The following FARSB variants were observed in gnomAD, a reference collection of about 807,000 sequenced individuals.
FARSB encodes the protein phenylalanine--tRNA ligase beta subunit.
Under a neutral mutation model 69.6 loss-of-function variants are expected in FARSB, and 40 were observed. The observed-to-expected ratio is 0.57, with a 90% confidence interval of 0.45 to 0.75. The LOEUF (loss-of-function observed/expected upper bound fraction) is 0.75, where lower values mean the gene tolerates loss of function less well. Among genes scored for constraint, FARSB ranks in the 30% least tolerant of loss-of-function variants. FARSB has a pLI of 0.00. For synonymous variants in FARSB, 235 were observed against 247.2 expected, an observed-to-expected ratio of 0.95 and a Z score of 0.46; for missense variants, 632 against 722.9, an observed-to-expected ratio of 0.87 and a Z score of 1.44.
chr2:222,637,290 A>G (rs1481712924), intron 5 of FARSB, among the ~76,000 whole-genome samples: 1 of 152,210 alleles, frequency 6.6e-6, no homozygotes, highest in Non-Finnish European at 1.5e-5. Context: ...AGGGCAGGAA[A>G]GCAGGCCCAG....
rs1255084894 is a variant in FARSB at position 222,567,482 on chromosome 2, C to A, written c.*4389G>T. ...GCACAAATAGATTAAGATTGAGAAG[C>A]AAGATTGTGAGTAATGTTCTCTCTT... On this transcript the variant is annotated 3_prime_UTR_variant, in exon 17 of 17. Coordinates refer to ENST00000281828, the MANE Select transcript of FARSB (RefSeq NM_005687.5). 6.6e-6 allele frequency: 1 copy of A among 152,158 alleles called. No individual in the cohort carries two copies. Among genetic ancestry groups the A allele is most frequent in the East Asian group, 1.9e-4 (1 of 5,194 alleles). The allele number at this position is 152,158 out of a possible 1,614,324, so 9.4% of individuals were successfully genotyped here.
At chr2:222,586,784 A>G (rs1003363583) in intron 16 of FARSB, among the ~76,000 whole-genome samples, 7 of 152,334 alleles carry the variant, frequency 4.6e-5, no homozygotes, top group Middle Eastern at 3.4e-3. Context: ...TGGTAAAGGG[A>G]TCAATTCAAC....
intron 2 of FARSB, among the ~76,000 whole-genome samples, chr2:222,645,691 T>A (rs1217491975): frequency 6.6e-6 from 1 of 152,038 alleles, no homozygotes; most frequent in Non-Finnish European, 1.5e-5. Context: ...CATAATACGT[T>A]CCTTCAGTAA....
rs753848953 is a variant in FARSB, at chr2:222,567,865, CAA to C, written c.*4004_*4005del. The C allele has an allele frequency of 1.3e-5, 2 of 152,112 alleles. No homozygotes were observed. Among genetic ancestry groups the C allele is most frequent in the East Asian group, 3.9e-4 (2 of 5,194 alleles). 9.4% of individuals were successfully genotyped at this position (152,112 alleles called of 1,614,324 possible). On this transcript the variant is annotated 3_prime_UTR_variant, in exon 17 of 17. Coordinates refer to ENST00000281828, the MANE Select transcript of FARSB (RefSeq NM_005687.5). ...TTCATTGGAGCAGTGTTTATAATTG[CAA>C]ACAGTTGGAAACAACTGAATGTCCA... is the stretch of plus-strand genomic sequence containing the variant.
chr2:222,643,893 A>G (rs1176746268), intron 2 of FARSB, among the ~76,000 whole-genome samples: 1 of 152,266 alleles, frequency 6.6e-6, no homozygotes. Flanking sequence ...ACCACTGCAG[A>G]GAAGTTACAC....
At chr2:222,587,225 A>G (rs1361546338) in intron 16 of FARSB, among the ~76,000 whole-genome samples, 1 of 152,216 alleles carries the variant, frequency 6.6e-6, no homozygotes, top group African/African-American at 2.4e-5. Context: ...ACACAACTAC[A>G]TGGAAACTGG....
intron 13 of FARSB, among the ~76,000 whole-genome samples, chr2:222,622,959 T>G (rs180875036): frequency 5.9e-5 from 9 of 152,258 alleles, no homozygotes; most frequent in African/African-American, 2.2e-4. Context: ...TATTGAGAAT[T>G]TCAGAGGTAG....
chr2:222,617,921 G>A (rs1382906082), intron 14 of FARSB, among the ~76,000 whole-genome samples: 1 of 152,052 alleles, frequency 6.6e-6, no homozygotes, highest in East Asian at 1.9e-4. Context: ...TTTTAAAAAA[G>A]TAATCAAGCT....
Position 222,571,089 on chromosome 2 carries a change from AC to A in FARSB, c.*781del, listed in dbSNP as rs1689708578. The stretch of plus-strand genomic sequence containing the variant: ...CTAGTAGCTCAATTAAGTATTTAAA[AC>A]CATGATTTTATAACTGACTGATTAC... On this transcript the variant is annotated 3_prime_UTR_variant, in exon 17 of 17. Coordinates refer to ENST00000281828, the MANE Select transcript of FARSB (RefSeq NM_005687.5). 1.3e-5 allele frequency: 2 copies of A among 152,164 alleles called. No individual in the cohort carries two copies. 9.4% of individuals were successfully genotyped at this position (152,164 alleles called of 1,614,324 possible).
At position 222,603,980 on chromosome 2, in the gene FARSB, G is replaced by C. The variant is rs1487821575; in HGVS notation, c.1463-3897C>G. ...GCCTGTAATCCCCGCACTTTGGGAG[G>C]CCAAGGCAGGCGGATCACAAGGTCA... On this transcript the variant is annotated intron_variant, in intron 15 of 16. Coordinates refer to ENST00000281828, the MANE Select transcript of FARSB (RefSeq NM_005687.5). Among the ~76,000 whole-genome samples the C allele has an allele frequency of 1.2e-4, 19 of 152,078 alleles. 1 individual carries two copies. The highest frequency in any genetic ancestry group is 4.6e-4 in the African/African-American group (19 of 41,504).
intron 13 of FARSB, 98 bp downstream of exon 13, chr2:222,623,551 AG>A: frequency 1.3e-6 from 1 of 789,482 alleles, no homozygotes; most frequent in Non-Finnish European, 2.3e-6. Flanking sequence ...AAGTTCTAAC[AG>A]TCTAGATTTT....
Position 222,630,172 on chromosome 2 carries a change from T to C in FARSB, c.789A>G (p.Ala263=). The change falls in exon 9 of 17, where the codon GCA becomes GCG. Residue 263 remains alanine (A), a splice_region_variant and synonymous_variant. Transcript: ENST00000281828. ...TGACAATAATATCAAGAACTATTTT[T>C]GCCTGCAAAGAAAAGAAAAACAAAT... ...IECTGTDFTK[A]KIVLDIIVTM... is the part of the protein sequence containing the mutation. 6.6e-7 allele frequency: 1 copy of C among 1,514,928 alleles called. No individual in the cohort carries two copies. Among genetic ancestry groups the C allele is most frequent in the Non-Finnish European group, 8.9e-7 (1 of 1,122,860 alleles). 93.8% of individuals were successfully genotyped at this position (1,514,928 alleles called of 1,614,324 possible).
chr2:222,592,613 C>A (rs543711876), intron 16 of FARSB, among the ~76,000 whole-genome samples: 35 of 150,968 alleles, frequency 2.3e-4, no homozygotes, highest in African/African-American at 8.5e-4. Context: ...AAATGAACTT[C>A]TTTTATAATT....
rs781658392 is a variant in FARSB at position 222,655,997 on chromosome 2, G to A, written c.58+19C>T. 9 of 1,578,052 alleles carry A rather than the reference G, an allele frequency of 5.7e-6. No homozygotes were observed. The Admixed American group carries it at 7.0e-5, about 12-fold the overall frequency. ...TCCGAGAAGAGGCGTAGGGCCCAAC[G>A]TATAGGGCCGCCACTCACTGTAGGT... On this transcript the variant is annotated intron_variant, in intron 1 of 16. Coordinates refer to ENST00000281828, the MANE Select transcript of FARSB (RefSeq NM_005687.5).
rs1451232587 is a variant in FARSB, at chr2:222,570,936, A to G, written c.*935T>C. The G allele has an allele frequency of 6.6e-6, 1 of 152,040 alleles. No individual in the cohort carries two copies. The highest frequency in any genetic ancestry group is 1.5e-5 in the Non-Finnish European group (1 of 67,976). The allele number at this position is 152,040 out of a possible 1,614,324, so 9.4% of individuals were successfully genotyped here. A position where few individuals can be genotyped will look rare whatever the true frequency, so the allele number is the denominator to read the frequency against. On this transcript the variant is annotated 3_prime_UTR_variant, in exon 17 of 17. Transcript: ENST00000281828. ...AACATGAGACCCAGCTTTTTTCCAG[A>G]GATGGTACCTACTGGAGAATTCTAG... is the stretch of plus-strand genomic sequence containing the variant.
At chr2:222,655,878 TCGGCCTTCCCGCGTAAACCC>T in intron 1 of FARSB, 118 bp downstream of exon 1, 1 of 684,010 alleles carries the variant, frequency 1.5e-6, no homozygotes, top group Admixed American at 2.4e-5. Context: ...GCCACCATCA[TCGGCCTTCCCGCGTAAACCC>T]CGGCCTCCCG....
rs114207559 is a variant in FARSB at position 222,654,088 on chromosome 2, C to T, written c.58+1928G>A. Among the ~76,000 whole-genome samples, 1,477 of 152,188 alleles carry T rather than the reference C, an allele frequency of 9.7e-3. 20 individuals carry two copies. Among genetic ancestry groups the T allele is most frequent in the African/African-American group, 0.034 (1,420 of 41,488 alleles). On this transcript the variant is annotated intron_variant, in intron 1 of 16. Coordinates refer to ENST00000281828, the MANE Select transcript of FARSB (RefSeq NM_005687.5). Reference sequence around the variant, plus strand: ...TTTTAAAAATCTGGATTATTTCTTACCTCCCTAGAAATGGAGACTGGGATG... The same window carrying T: ...TTTTAAAAATCTGGATTATTTCTTATCTCCCTAGAAATGGAGACTGGGATG...
At chr2:222,655,989 G>A (rs1470846550) in intron 1 of FARSB, 27 bp downstream of exon 1, 1 of 1,566,468 alleles carries the variant, frequency 6.4e-7, no homozygotes, top group Non-Finnish European at 8.7e-7. Flanking sequence ...AGAGGCGTAG[G>A]GCCCAACGTA....
Position 222,613,815 on chromosome 2 carries a change from A to T in FARSB, c.1458T>A (p.Asn486Lys), listed in dbSNP as rs746234151. ...EISDIVIKDSNTDVGAKNYRH... is the reference protein window; with the variant it reads ...EISDIVIKDSKTDVGAKNYRH... ...TCAAAGGTGACTTATTCTTACCTGT[A>T]TTAGAATCTTTTATTACAATGTCAG... Residue 486 changes from asparagine to lysine, a missense_variant, in exon 15 of 17, where the codon AAT (asparagine) becomes AAA (lysine). Transcript: ENST00000281828. The T allele has an allele frequency of 1.2e-5, 19 of 1,539,116 alleles. No homozygotes were observed. Among genetic ancestry groups the T allele is most frequent in the Non-Finnish European group, 1.4e-5 (16 of 1,111,660 alleles).
Sources: allele counts gnomAD v4.1 joint callset (sites outside exome capture counted in the v4.1 genomes callset), GRCh38; gene constraint gnomAD v4.1.1; transcripts MANE v1.5; gene names NCBI Gene and HGNC (gene_info 2026-07-23, HGNC 2026-07-21).